Variants in PRKG1 observed in about 807,000 individuals in gnomAD.
PRKG1 encodes the protein cGMP-dependent protein kinase 1.
In PRKG1, 35 loss-of-function variants were observed where a neutral mutation model predicts 88.1. The observed-to-expected ratio is 0.40, with a 90% CI of 0.30 to 0.53. The LOEUF is 0.53. PRKG1 is among the 20% of genes least tolerant of loss of function. The pLI is 0.59. For synonymous variants in PRKG1, 303 were observed against 292.5 expected (o/e 1.04, Z -0.37); for missense variants, 540 against 839.8 (o/e 0.64, Z 4.41).
intron 3 of PRKG1, among the ~76,000 whole-genome samples, chr10:51,567,775 T>C (rs1394892003): frequency 1.3e-5 from 2 of 151,934 alleles, no homozygotes; most frequent in Non-Finnish European, 2.9e-5. Context: ...TTTGTAGAGA[T>C]GGGTTTTTGC....
intron 5 of PRKG1, among the ~76,000 whole-genome samples, chr10:51,948,495 G>T (rs1171558718): frequency 6.6e-6 from 1 of 151,158 alleles, no homozygotes; most frequent in African/African-American, 2.4e-5. Context: ...TGTGATTCAG[G>T]TATTATTTCA....
chr10:51,146,406 A>G (rs1166384057), intron 1 of PRKG1, among the ~76,000 whole-genome samples: 1 of 149,372 alleles, frequency 6.7e-6, no homozygotes, highest in African/African-American at 2.5e-5. Context: ...TTCAGATCAC[A>G]TGCCCATGTT....
chr10:51,438,645 A>G (rs7904363), intron 2 of PRKG1, among the ~76,000 whole-genome samples: 46,546 of 151,764 alleles, frequency 0.31, 7,877 homozygotes, highest in African/African-American at 0.43. Context: ...CATACTATCA[A>G]TGATGATTTA....
intron 2 of PRKG1, among the ~76,000 whole-genome samples, chr10:51,353,586 C>G (rs1210312693): frequency 1.3e-5 from 2 of 152,064 alleles, no homozygotes; most frequent in Non-Finnish European, 1.5e-5. Flanking sequence ...AATACAAACG[C>G]TACAATGAGA....
chr10:51,530,563 C>A (rs757267232), intron 3 of PRKG1, among the ~76,000 whole-genome samples: 12 of 152,158 alleles, frequency 7.9e-5, no homozygotes, highest in South Asian at 6.2e-4. Context: ...AGCCATTTGC[C>A]CATATGAGTT....
intron 3 of PRKG1, among the ~76,000 whole-genome samples, chr10:51,480,177 T>C (rs1840313884): frequency 6.6e-6 from 1 of 152,150 alleles, no homozygotes; most frequent in Admixed American, 6.6e-5. Context: ...AAACTGATTC[T>C]CAATTATTAT....
At chr10:51,458,110 A>G (rs2132789647) in intron 2 of PRKG1, among the ~76,000 whole-genome samples, 1 of 152,242 alleles carries the variant, frequency 6.6e-6, no homozygotes, top group Admixed American at 6.5e-5. Context: ...CTTGTTGTAC[A>G]CTCTGGAGAA....
intron 2 of PRKG1, among the ~76,000 whole-genome samples, chr10:51,401,995 T>G (rs1244314308): frequency 6.6e-6 from 1 of 152,196 alleles, no homozygotes; most frequent in Non-Finnish European, 1.5e-5. Flanking sequence ...CCACACTGAT[T>G]CCACCATGCC....
intron 17 of PRKG1, among the ~76,000 whole-genome samples, chr10:52,292,030 C>A (rs962544952): frequency 6.6e-6 from 1 of 152,162 alleles, no homozygotes; most frequent in Non-Finnish European, 1.5e-5. Context: ...AGTATTTTTT[C>A]ATGTGTTTTT....
chr10:51,450,516 A>G (rs1265074786), intron 2 of PRKG1, among the ~76,000 whole-genome samples: 1 of 151,992 alleles, frequency 6.6e-6, no homozygotes, highest in East Asian at 1.9e-4. Context: ...TGGACTTCTA[A>G]CAAGTGCTCC....
intron 5 of PRKG1, among the ~76,000 whole-genome samples, chr10:51,916,391 A>C (rs1842340461): frequency 6.6e-6 from 1 of 152,218 alleles, no homozygotes; most frequent in Non-Finnish European, 1.5e-5. Context: ...AAGTTACCCT[A>C]AATGGTGTAA....
chr10:52,163,101 T>A (rs904768938), intron 9 of PRKG1, among the ~76,000 whole-genome samples: 4 of 148,318 alleles, frequency 2.7e-5, no homozygotes, highest in Non-Finnish European at 6.0e-5. Context: ...TTAAGGTACC[T>A]TATCAGTTTT....
intron 8 of PRKG1, among the ~76,000 whole-genome samples, chr10:52,147,388 A>G (rs536791795): frequency 2.6e-5 from 4 of 152,310 alleles, no homozygotes; most frequent in Admixed American, 2.6e-4. Flanking sequence ...TTTTTGTTTT[A>G]ATACACTCAT....
At chr10:51,697,803 C>A in intron 3 of PRKG1, 1 of 1,614,178 alleles carries the variant, frequency 6.2e-7, no homozygotes, top group Non-Finnish European at 8.5e-7. Flanking sequence ...AGTTGAAGAA[C>A]CTGCATGATC....
At chr10:51,303,095 G>A (rs1012213688) in intron 2 of PRKG1, among the ~76,000 whole-genome samples, 1 of 152,072 alleles carries the variant, frequency 6.6e-6, no homozygotes, top group Non-Finnish European at 1.5e-5. Flanking sequence ...AGATTGGTCT[G>A]TTTGCAAATA....
chr10:51,386,368 G>C (rs995219474), intron 2 of PRKG1, among the ~76,000 whole-genome samples: 3 of 152,114 alleles, frequency 2.0e-5, no homozygotes, highest in Non-Finnish European at 4.4e-5. Flanking sequence ...TCTGCAGTTG[G>C]CAAACTGGAG....
chr10:51,542,668 G>C (rs561277644), intron 3 of PRKG1, among the ~76,000 whole-genome samples: 1 of 51,388 alleles, frequency 1.9e-5, no homozygotes, highest in Non-Finnish European at 5.9e-5. Context: ...CTTGTGTTTC[G>C]CATGATAGTC....
At chr10:51,781,444 G>C (rs116746455) in intron 3 of PRKG1, among the ~76,000 whole-genome samples, 146 of 152,206 alleles carry the variant, frequency 9.6e-4, no homozygotes, top group African/African-American at 3.3e-3. Flanking sequence ...AGTTATCCCA[G>C]ATTACCTTTT....
chr10:51,729,948 C>T (rs536659468), intron 3 of PRKG1, among the ~76,000 whole-genome samples: 1 of 152,210 alleles, frequency 6.6e-6, no homozygotes, highest in African/African-American at 2.4e-5. Flanking sequence ...CACATAGCTT[C>T]CCCTGTTATC....
Sources: allele counts gnomAD v4.1 joint callset (sites outside exome capture counted in the v4.1 genomes callset), GRCh38; gene constraint gnomAD v4.1.1; transcripts MANE v1.5; gene names NCBI Gene and HGNC (gene_info 2026-07-23, HGNC 2026-07-21).